The following AFF1 variants were observed in gnomAD, a reference collection of about 807,000 sequenced individuals.
AFF1 encodes AF4/FMR2 family member 1.
Under a neutral mutation model 121.7 loss-of-function variants are expected in AFF1, and 48 were observed. The ratio of observed to expected loss-of-function variants is 0.39; its 90% CI spans 0.31 to 0.50. AFF1 has a LOEUF of 0.50. Among genes scored for constraint, AFF1 ranks in the 20% least tolerant of loss-of-function variants. AFF1 has a pLI of 0.76. For synonymous variants in AFF1, 613 were observed against 563.0 expected, an observed-to-expected ratio of 1.09 and a Z score of -1.26; for missense variants, 1,523 against 1,511.7, an observed-to-expected ratio of 1.01 and a Z score of -0.12.
In AFF1 at chr4:87,132,313, T is replaced by TA; in HGVS notation, c.3222dup (p.Asp1075ArgfsTer11). The stretch of plus-strand genomic sequence containing the variant: ...TTTTGAACATGGCGATGTTTCGTTG[T>TA]AAAAAAGACATAGCAATAAAGTATT... On this transcript the variant is annotated frameshift_variant, in exon 19 of 21. Transcript: ENST00000395146. LOFTEE classifies it high-confidence loss of function. The TA allele has an allele frequency of 1.2e-6, 2 of 1,613,314 alleles. No individual in the cohort carries two copies. The highest frequency in any genetic ancestry group is 1.7e-6 in the Non-Finnish European group (2 of 1,179,748).
At chr4:87,054,201 G>C (rs755215089) in intron 4 of AFF1, among the ~76,000 whole-genome samples, 1 of 152,234 alleles carries the variant, frequency 6.6e-6, no homozygotes, top group Non-Finnish European at 1.5e-5. Flanking sequence ...CCCTCCCCTA[G>C]GGGGGCTGAG....
chr4:87,105,531 C>A, intron 8 of AFF1, 97 bp from the exon 9 acceptor site: 2 of 1,357,956 alleles, frequency 1.5e-6, no homozygotes, highest in South Asian at 1.2e-5. Context: ...CATATCCTCT[C>A]TCTTTGTTTA....
At chr4:87,024,993 T>C (rs1174493739) in intron 2 of AFF1, among the ~76,000 whole-genome samples, 1 of 152,224 alleles carries the variant, frequency 6.6e-6, no homozygotes, top group Non-Finnish European at 1.5e-5. Context: ...ATGCATCCCT[T>C]CACCTCTGCT....
At chr4:87,023,732 G>A (rs1030063280) in intron 2 of AFF1, among the ~76,000 whole-genome samples, 1 of 152,216 alleles carries the variant, frequency 6.6e-6, no homozygotes, top group Non-Finnish European at 1.5e-5. Flanking sequence ...GTGCCAAAAT[G>A]TCCAACATTT....
chr4:86,940,470 T>G (rs572892186), intron 1 of AFF1, among the ~76,000 whole-genome samples: 239 of 152,282 alleles, frequency 1.6e-3, no homozygotes, highest in African/African-American at 5.5e-3. Flanking sequence ...GGTGCAATCT[T>G]GTCTCACTGC....
intron 2 of AFF1, among the ~76,000 whole-genome samples, chr4:86,972,380 A>G (rs185381715): frequency 6.6e-6 from 1 of 152,262 alleles, no homozygotes; most frequent in East Asian, 1.9e-4. Context: ...GTCATTGGCC[A>G]TATGTGACTT....
intron 11 of AFF1, among the ~76,000 whole-genome samples, chr4:87,111,012 A>ATTTTATTTTATTTTATT (rs1344382644): frequency 3.4e-5 from 1 of 29,278 alleles, no homozygotes; most frequent in African/African-American, 8.9e-5. Context: ...TTTTTTTTTT[A>ATTTTATTTTATTTTATT]TTTTTTTTTT....
At position 87,126,007 on chromosome 4, in the gene AFF1, C is replaced by G. The variant is rs1466493144; in HGVS notation, c.2574-92C>G. 7.7e-6 allele frequency: 10 copies of G among 1,296,690 alleles called. No homozygotes were observed. In the Admixed American group the frequency reaches 1.6e-4, roughly 21 times the overall value. The allele number at this position is 1,296,690 out of a possible 1,614,324, so 80.3% of individuals were successfully genotyped here. ...GTTTCATGCTTTGTGATACCCTACT[C>G]TTTTGTGCCAGCAGCCAGTTTGTAA... On this transcript the variant is annotated intron_variant, in intron 13 of 20. Coordinates refer to ENST00000395146, the MANE Select transcript of AFF1 (RefSeq NM_001166693.3).
intron 6 of AFF1, 61 bp downstream of exon 6, chr4:87,090,131 C>A (rs948258460): frequency 2.3e-6 from 3 of 1,323,696 alleles, no homozygotes; most frequent in Non-Finnish European, 1.1e-6. Context: ...TAAGGCATTG[C>A]TGTGAGGCAG....
chr4:87,129,731 C>T (rs1429637170), intron 16 of AFF1, among the ~76,000 whole-genome samples: 1 of 152,126 alleles, frequency 6.6e-6, no homozygotes, highest in Non-Finnish European at 1.5e-5. Context: ...CTGAAATATA[C>T]ATGTATACTA....
At chr4:87,071,858 G>A (rs966712114) in intron 4 of AFF1, among the ~76,000 whole-genome samples, 1 of 152,152 alleles carries the variant, frequency 6.6e-6, no homozygotes, top group Admixed American at 6.5e-5. Context: ...GATAGTGAAT[G>A]CAAGAATATT....
chr4:87,099,072 G>T (rs1348752725), intron 8 of AFF1, among the ~76,000 whole-genome samples: 1 of 152,206 alleles, frequency 6.6e-6, no homozygotes, highest in Admixed American at 6.5e-5. Context: ...TGCTTTACTT[G>T]TAGCATATTT....
chr4:87,051,455 TTTTG>T (rs1731249228), intron 4 of AFF1, among the ~76,000 whole-genome samples: 1 of 151,752 alleles, frequency 6.6e-6, no homozygotes, highest in East Asian at 1.9e-4. Context: ...CAAACTGGTA[TTTTG>T]TTTGTTTTGT....
At chr4:87,115,798 G>GTGGGGTTTTGCCATGT (rs1210182861) in intron 12 of AFF1, among the ~76,000 whole-genome samples, 1 of 151,290 alleles carries the variant, frequency 6.6e-6, no homozygotes, top group Admixed American at 6.6e-5. Context: ...TTTTGTAGAG[G>GTGGGGTTTTGCCATGT]TGGGGTTTTG....
At chr4:87,083,387 T>G (rs899589745) in intron 4 of AFF1, among the ~76,000 whole-genome samples, 4 of 152,356 alleles carry the variant, frequency 2.6e-5, no homozygotes, top group African/African-American at 9.6e-5. Context: ...ATGTATAAAG[T>G]GAAATGCTGA....
intron 2 of AFF1, among the ~76,000 whole-genome samples, chr4:86,972,329 A>G (rs1297929983): frequency 6.6e-6 from 1 of 151,994 alleles, no homozygotes; most frequent in African/African-American, 2.4e-5. Context: ...GGAAAAGTAG[A>G]TGGAACCATT....
intron 6 of AFF1, among the ~76,000 whole-genome samples, chr4:87,091,174 G>T (rs139184177): frequency 1.1e-4 from 16 of 152,260 alleles, no homozygotes; most frequent in African/African-American, 3.9e-4. Context: ...GGAGGCTGAG[G>T]CGGGTGGATC....
intron 1 of AFF1, among the ~76,000 whole-genome samples, chr4:86,941,249 G>A (rs971929093): frequency 6.6e-6 from 1 of 152,206 alleles, no homozygotes; most frequent in Non-Finnish European, 1.5e-5. Flanking sequence ...AGTGCCTCAT[G>A]CCTGTAATCG....
intron 2 of AFF1, among the ~76,000 whole-genome samples, chr4:87,042,503 G>A (rs1013427629): frequency 6.6e-6 from 1 of 152,202 alleles, no homozygotes; most frequent in African/African-American, 2.4e-5. Flanking sequence ...GGGAGAGCAA[G>A]TGTCTTTCAC....
Sources: gnomAD v4.1 joint callset for allele counts (sites outside exome capture counted in the v4.1 genomes callset) on GRCh38, gnomAD v4.1.1 for gene constraint, MANE v1.5 for transcripts, NCBI Gene and HGNC (gene_info 2026-07-23, HGNC 2026-07-21) for gene names.